PRAG1: variants seen among roughly 807,000 people sequenced by gnomAD.
PRAG1 encodes the protein inactive tyrosine-protein kinase PRAG1.
Under a neutral mutation model 95.6 loss-of-function variants are expected in PRAG1, and 110 were observed. The ratio of observed to expected loss-of-function variants is 1.15; its 90% CI spans 0.99 to 1.35. The LOEUF is 1.35. Among genes scored for constraint, PRAG1 ranks in the 40% most tolerant of loss-of-function variants. PRAG1 has a pLI of 0.00. For synonymous variants in PRAG1, 1,052 were observed against 819.4 expected (o/e 1.28, Z -4.85); for missense variants, 2,554 against 1,864.7 (o/e 1.37, Z -6.81).
At chr8:8,363,052 T>G (rs557330617) in intron 3 of PRAG1, among the ~76,000 whole-genome samples, 31 of 148,972 alleles carry the variant, frequency 2.1e-4, no homozygotes, top group Admixed American at 6.1e-4. Context: ...AAGATATATA[T>G]ATATAGATAT....
intron 3 of PRAG1, among the ~76,000 whole-genome samples, chr8:8,372,979 G>C (rs966320720): frequency 1.9e-4 from 29 of 152,200 alleles, no homozygotes; most frequent in African/African-American, 5.8e-4. Flanking sequence ...TGTGAGCGTA[G>C]GTAACGCACA....
chr8:8,349,080 T>G (rs1799435702), intron 3 of PRAG1, among the ~76,000 whole-genome samples: 1 of 152,184 alleles, frequency 6.6e-6, no homozygotes. Context: ...TAGCTGAAAC[T>G]TTCTCATATC....
chr8:8,343,534 G>C (rs898844527), intron 3 of PRAG1, among the ~76,000 whole-genome samples: 3 of 152,168 alleles, frequency 2.0e-5, no homozygotes, highest in African/African-American at 7.2e-5. Flanking sequence ...GTGAAACTTT[G>C]TTTTGTAAAA....
In PRAG1 at chr8:8,318,408, G is replaced by A. The variant is rs1189421695; in HGVS notation, c.3967C>T (p.Arg1323Cys). 2 of 1,613,050 alleles carry A rather than the reference G, an allele frequency of 1.2e-6. No homozygotes were observed. Among genetic ancestry groups the A allele is most frequent in the African/African-American group, 2.7e-5 (2 of 74,928 alleles). ...CCCCACAGCAGGCACTGCAGCACGC[G>A]CTTGGCCTCGCCGATGCGGATACGC... ...IKRIRIGEAK[R>C]VLQCLLWGPR... The change falls in exon 6 of 6, where the codon CGC (arginine) becomes TGC (cysteine). Residue 1323 changes from arginine (R) to cysteine (C), a missense_variant. Arg to Cys is a radical substitution (Grantham distance 180, BLOSUM62 -3). Transcript: ENST00000615670. The surrounding 1 kb of genome is among the most constrained non-coding windows in gnomAD (Gnocchi z 4.2).
At chr8:8,341,193 G>C (rs576439996) in intron 3 of PRAG1, among the ~76,000 whole-genome samples, 1 of 152,212 alleles carries the variant, frequency 6.6e-6, no homozygotes, top group South Asian at 2.1e-4. Context: ...AAATCACTAA[G>C]GGAGAAACTA....
intron 5 of PRAG1, among the ~76,000 whole-genome samples, chr8:8,322,889 A>G (rs1798518112): frequency 1.3e-5 from 2 of 152,170 alleles, no homozygotes; most frequent in South Asian, 4.1e-4. Context: ...GTGTCTCCCT[A>G]AAATGTACAA....
chr8:8,373,748 C>T (rs566294854), intron 3 of PRAG1, among the ~76,000 whole-genome samples: 6 of 152,216 alleles, frequency 3.9e-5, no homozygotes, highest in East Asian at 1.9e-4. Context: ...CCACTAAGTC[C>T]GGCCCTTCTT....
At chr8:8,321,268 A>G (rs1798464041) in intron 5 of PRAG1, among the ~76,000 whole-genome samples, 1 of 152,086 alleles carries the variant, frequency 6.6e-6, no homozygotes, top group Admixed American at 6.6e-5. Context: ...GAATTTTTGT[A>G]CAGACAAGGT....
chr8:8,341,930 C>T (rs2976889), intron 3 of PRAG1, among the ~76,000 whole-genome samples: 7 of 151,974 alleles, frequency 4.6e-5, no homozygotes, highest in Admixed American at 6.5e-5. Context: ...GTAGGGAGTT[C>T]GAGACCGGCC....
chr8:8,333,627 C>T (rs1304093205), intron 4 of PRAG1, among the ~76,000 whole-genome samples: 1 of 152,206 alleles, frequency 6.6e-6, no homozygotes, highest in African/African-American at 2.4e-5. Context: ...TTAATAGGCA[C>T]TTTCATTGTT....
At chr8:8,363,283 C>T (rs148649388) in intron 3 of PRAG1, among the ~76,000 whole-genome samples, 19 of 151,886 alleles carry the variant, frequency 1.3e-4, no homozygotes, top group Admixed American at 5.9e-4. Context: ...TTTGAAGATA[C>T]CAAAAATTTT....
At chr8:8,366,774 C>T (rs955026707) in intron 3 of PRAG1, among the ~76,000 whole-genome samples, 22 of 151,954 alleles carry the variant, frequency 1.4e-4, no homozygotes, top group African/African-American at 4.4e-4. Context: ...GACCTCCTGG[C>T]TCAAGCAATC....
At chr8:8,324,231 T>C (rs1798562119) in intron 5 of PRAG1, among the ~76,000 whole-genome samples, 1 of 151,348 alleles carries the variant, frequency 6.6e-6, no homozygotes, top group African/African-American at 2.4e-5. Context: ...CTGGGAAGAG[T>C]TTCCAAGGCT....
intron 4 of PRAG1, among the ~76,000 whole-genome samples, chr8:8,338,638 T>A (rs749642640): frequency 7.2e-5 from 11 of 152,228 alleles, no homozygotes; most frequent in African/African-American, 2.7e-4. Flanking sequence ...ACAGACTGAC[T>A]TATAACACAC....
chr8:8,365,813 C>CAT (rs1000494270), intron 3 of PRAG1, among the ~76,000 whole-genome samples: 15 of 150,450 alleles, frequency 1.0e-4, no homozygotes, highest in Admixed American at 2.7e-4. Flanking sequence ...TATACACACA[C>CAT]ATATATATAT....
rs1440960694 is a variant in PRAG1 at position 8,373,228 on chromosome 8, G to T, written c.2162+3019C>A. 2.6e-5 allele frequency among the ~76,000 whole-genome samples: 4 copies of T among 152,096 alleles called. No individual in the cohort carries two copies. In the East Asian group the frequency reaches 7.7e-4, roughly 29 times the overall value. ...ACCTACTAGGTTGGAAGACTCTGGG[G>T]TTCCTGGCACTATCCCCAGCGGAGG... On this transcript the variant is annotated intron_variant, in intron 3 of 5. Coordinates refer to ENST00000615670, the MANE Select transcript of PRAG1 (RefSeq NM_001080826.3).
intron 1 of PRAG1, among the ~76,000 whole-genome samples, chr8:8,382,193 A>G (rs1211820655): frequency 6.6e-6 from 1 of 152,222 alleles, no homozygotes. Context: ...TACGTCATCC[A>G]TGTATTCCCT....
In PRAG1 at chr8:8,386,281, C is replaced by T. The variant is rs1396291451; in HGVS notation, c.-88+40G>A. The T allele has an allele frequency of 2.6e-5, 4 of 152,196 alleles. No homozygotes were observed. The East Asian group carries it at 7.7e-4, about 29-fold the overall frequency. 9.4% of individuals were successfully genotyped at this position (152,196 alleles called of 1,614,324 possible). On this transcript the variant is annotated intron_variant, in intron 1 of 5. Transcript: ENST00000615670. ...CCCCTCTGCGACCACGCTCGCCAGA[C>T]AAAAAGAGGCCGAATTTGGAGAGCG...
At chr8:8,327,613 T>G in intron 5 of PRAG1, 97 bp downstream of exon 5, 1 of 1,368,202 alleles carries the variant, frequency 7.3e-7, no homozygotes. Context: ...CCCCTCCTAA[T>G]GCCCAGACAG....
Sources: allele counts gnomAD v4.1 joint callset (sites outside exome capture counted in the v4.1 genomes callset), GRCh38; gene constraint gnomAD v4.1.1; non-coding constraint Gnocchi (gnomAD v3.1); transcripts MANE v1.5; gene names NCBI Gene and HGNC (gene_info 2026-07-23, HGNC 2026-07-21).